DCDC1: variants seen among roughly 807,000 people sequenced by gnomAD.
The protein encoded by DCDC1 is doublecortin domain-containing protein 1.
In DCDC1, 200 loss-of-function variants were observed where a neutral mutation model predicts 178.3. The observed-to-expected ratio is 1.12, with a 90% confidence interval of 1.00 to 1.26. The LOEUF is 1.26. Ranked by LOEUF, DCDC1 falls within the 50% of genes most tolerant of loss-of-function variation. The probability of loss-of-function intolerance (pLI) is 0.00; values close to 1 mark genes in which losing one functional copy is unlikely to be tolerated. For synonymous variants in DCDC1, 690 were observed against 604.8 expected (o/e 1.14, Z -2.07); for missense variants, 1,983 against 1,749.2 (o/e 1.13, Z -2.38).
intron 20 of DCDC1, among the ~76,000 whole-genome samples, chr11:30,958,237 T>C (rs563495545): frequency 7.2e-5 from 11 of 152,258 alleles, no homozygotes; most frequent in African/African-American, 2.6e-4. Flanking sequence ...GGAAAAAGTA[T>C]GTGGATGGAT....
intron 10 of DCDC1, among the ~76,000 whole-genome samples, chr11:31,135,954 T>C (rs1345435227): frequency 3.3e-5 from 5 of 152,128 alleles, no homozygotes; most frequent in Non-Finnish European, 7.4e-5. Flanking sequence ...TTTTTAGTCA[T>C]TGAAATTTTA....
intron 3 of DCDC1, among the ~76,000 whole-genome samples, chr11:31,309,932 A>T (rs1255186089): frequency 1.3e-5 from 2 of 152,088 alleles, no homozygotes; most frequent in African/African-American, 4.8e-5. Flanking sequence ...AACTATATTG[A>T]TATAGCCCTC....
chr11:31,315,645 CCTTT>C (rs1455706879), intron 3 of DCDC1, among the ~76,000 whole-genome samples: 1 of 104,166 alleles, frequency 9.6e-6, no homozygotes, highest in Admixed American at 9.4e-5. Context: ...CATCTGCATA[CCTTT>C]TTTTTTTTTT....
intron 20 of DCDC1, among the ~76,000 whole-genome samples, chr11:31,021,308 A>G (rs553879509): frequency 6.6e-6 from 1 of 152,256 alleles, no homozygotes; most frequent in African/African-American, 2.4e-5. Context: ...TTTAAAAAGC[A>G]TAAGACTAGA....
intron 9 of DCDC1, among the ~76,000 whole-genome samples, chr11:31,158,395 G>A (rs1965960961): frequency 6.6e-6 from 1 of 152,042 alleles, no homozygotes; most frequent in African/African-American, 2.4e-5. Context: ...GGGATTACAG[G>A]CGTGAGCCAC....
intron 1 of DCDC1, among the ~76,000 whole-genome samples, chr11:31,352,803 C>T (rs944465093): frequency 4.6e-5 from 7 of 152,148 alleles, no homozygotes; most frequent in Non-Finnish European, 1.0e-4. Flanking sequence ...AAAGGCTACA[C>T]TCGTATGTAG....
intron 36 of DCDC1, among the ~76,000 whole-genome samples, chr11:30,884,631 G>C (rs1320115565): frequency 6.6e-6 from 1 of 151,900 alleles, no homozygotes; most frequent in Non-Finnish European, 1.5e-5. Context: ...AATACAGTGG[G>C]AGAAAATCTA....
At chr11:31,280,805 C>T (rs1390435449) in intron 7 of DCDC1, 1 of 616,966 alleles carries the variant, frequency 1.6e-6, no homozygotes, top group East Asian at 3.9e-5. Flanking sequence ...TGTATCCTCT[C>T]CCCAGGTGAT....
chr11:31,322,843 A>C (rs1949439197), intron 3 of DCDC1, among the ~76,000 whole-genome samples: 2 of 152,212 alleles, frequency 1.3e-5, no homozygotes, highest in African/African-American at 4.8e-5. Context: ...AGTAACTTTC[A>C]GTTGAATTTT....
chr11:30,885,083 A>T (rs1258744965), intron 36 of DCDC1, among the ~76,000 whole-genome samples: 1 of 152,070 alleles, frequency 6.6e-6, no homozygotes, highest in Non-Finnish European at 1.5e-5. Context: ...TACATAACTT[A>T]AAAGCAGAAG....
In DCDC1 at chr11:31,065,087, C is replaced by G. The variant is rs757059393; in HGVS notation, c.2365G>C (p.Glu789Gln). Reference sequence around the variant, plus strand: ...CAGGCACCATGGTGAATGTGATACTCTGTCTGGGTCACATCTACTTGTGCA... The same window carrying G: ...CAGGCACCATGGTGAATGTGATACTGTGTCTGGGTCACATCTACTTGTGCA... ...LNAQVDVTQT[E>Q]YHIHHGAWTT... Residue 789 changes from glutamate to glutamine, a missense_variant, in exon 19 of 39, where the codon GAG (glutamate) becomes CAG (glutamine). Transcript: ENST00000684477. 4 of 765,522 alleles carry G rather than the reference C, an allele frequency of 5.2e-6. No homozygotes were observed. The Admixed American group carries it at 6.8e-5, about 13-fold the overall frequency. The allele number at this position is 765,522 out of a possible 1,614,324, so 47.4% of individuals were successfully genotyped here. A position where few individuals can be genotyped will look rare whatever the true frequency, so the allele number is the denominator to read the frequency against.
chr11:30,968,926 T>G (rs1413218524), intron 20 of DCDC1, among the ~76,000 whole-genome samples: 1 of 151,652 alleles, frequency 6.6e-6, no homozygotes, highest in Non-Finnish European at 1.5e-5. Context: ...CCTTTACTTC[T>G]AAGTAAGAGA....
At chr11:31,351,361 C>T (rs1243383836) in intron 1 of DCDC1, among the ~76,000 whole-genome samples, 1 of 151,832 alleles carries the variant, frequency 6.6e-6, no homozygotes, top group Non-Finnish European at 1.5e-5. Context: ...GTGGTGGTTG[C>T]CATAGTAACA....
chr11:31,158,455 T>C (rs1965968943), intron 9 of DCDC1, among the ~76,000 whole-genome samples: 1 of 152,168 alleles, frequency 6.6e-6, no homozygotes, highest in Admixed American at 6.5e-5. Context: ...CACCATGTTG[T>C]ACAATAGATT....
intron 20 of DCDC1, among the ~76,000 whole-genome samples, chr11:31,003,905 C>A (rs556163023): frequency 1.3e-5 from 2 of 152,232 alleles, no homozygotes; most frequent in African/African-American, 4.8e-5. Context: ...TTGGGTGAAT[C>A]CAACAGTGTC....
At chr11:30,925,035 T>C (rs1330211440) in intron 23 of DCDC1, among the ~76,000 whole-genome samples, 1 of 150,730 alleles carries the variant, frequency 6.6e-6, no homozygotes, top group Non-Finnish European at 1.5e-5. Context: ...ACTGCGCCAC[T>C]GCACTCCAGC....
chr11:30,884,032 C>CTTTTTTTTTTTTTT (rs1565023304), intron 36 of DCDC1, among the ~76,000 whole-genome samples: 15 of 47,900 alleles, frequency 3.1e-4, no homozygotes, highest in Middle Eastern at 0.016. Context: ...CATTCTTTCT[C>CTTTTTTTTTTTTTT]ATTTTTTTTT....
At chr11:30,883,095 T>C (rs1334203858) in intron 36 of DCDC1, 2 of 152,634 alleles carry the variant, frequency 1.3e-5, no homozygotes, top group African/African-American at 4.8e-5. Context: ...TGGAAATAAT[T>C]AGTATCCACC....
intron 7 of DCDC1, among the ~76,000 whole-genome samples, chr11:31,270,569 T>C (rs1276867505): frequency 6.6e-6 from 1 of 152,214 alleles, no homozygotes; most frequent in Non-Finnish European, 1.5e-5. Flanking sequence ...CAAATTTGAC[T>C]AGACCCACAA....
Sources: gnomAD v4.1 joint callset for allele counts (sites outside exome capture counted in the v4.1 genomes callset) on GRCh38, gnomAD v4.1.1 for gene constraint, MANE v1.5 for transcripts, NCBI Gene and HGNC (gene_info 2026-07-23, HGNC 2026-07-21) for gene names.